Variants in ARID1B observed in about 807,000 individuals in gnomAD.
The protein encoded by ARID1B is AT-rich interactive domain-containing protein 1B.
ARID1B carries 30 observed loss-of-function variants against 212.3 expected under a neutral mutation model. The observed-to-expected ratio is 0.14, with a 90% confidence interval of 0.11 to 0.19. The LOEUF is 0.19. Ranked by LOEUF, ARID1B falls within the 10% of genes least tolerant of loss-of-function variation. The pLI, the probability that ARID1B is intolerant of heterozygous loss-of-function variation, is 1.00. For synonymous variants in ARID1B, 1,402 were observed against 1,301.7 expected, an observed-to-expected ratio of 1.08 and a Z score of -1.66; for missense variants, 2,891 against 3,204.0, an observed-to-expected ratio of 0.90 and a Z score of 2.36.
chr6:156,943,042 G>C (rs1792794764), intron 4 of ARID1B: 1 of 152,118 alleles, frequency 6.6e-6, no homozygotes, highest in Non-Finnish European at 1.5e-5. Context: ...GTCAGTTTAG[G>C]AGAGGAAATA....
At chr6:156,892,043 CT>C (rs1047406340) in intron 2 of ARID1B, among the ~76,000 whole-genome samples, 18,289 of 114,992 alleles carry the variant, frequency 0.16, 1,196 homozygotes, top group Non-Finnish European at 0.21. Context: ...AGCGAATTTT[CT>C]TTTTTTTTTT....
Position 157,200,312 on chromosome 6 carries a change from C to T in ARID1B, c.4480-393C>T. On this transcript the variant is annotated intron_variant, in intron 17 of 19. Coordinates refer to ENST00000636930, the MANE Select transcript of ARID1B (RefSeq NM_001374828.1). The surrounding 1 kb of genome is among the most constrained non-coding windows in gnomAD (Gnocchi z 4.3). ...CCTTTTACCCCAAGACCCTTTCAGG[C>T]CGGCCCCTGGATGCTGGCTTTCCTG... Among the ~76,000 whole-genome samples, 1 of 152,154 alleles carries T rather than the reference C, an allele frequency of 6.6e-6. No individual in the cohort carries two copies. The highest frequency in any genetic ancestry group is 1.9e-4 in the East Asian group (1 of 5,180).
chr6:157,037,071 T>C (rs565985859), intron 4 of ARID1B, among the ~76,000 whole-genome samples: 3 of 152,366 alleles, frequency 2.0e-5, no homozygotes, highest in African/African-American at 7.2e-5. Flanking sequence ...ACCTTCTTTG[T>C]TGTGTAGAAA....
intron 4 of ARID1B, among the ~76,000 whole-genome samples, chr6:157,059,249 G>C (rs1783183390): frequency 6.6e-6 from 1 of 152,130 alleles, no homozygotes; most frequent in Admixed American, 6.5e-5. Flanking sequence ...ATTATCATGT[G>C]TAACAGTTTG....
Position 156,779,191 on chromosome 6 carries a change from A to T in ARID1B, c.1511A>T (p.Gln504Leu). 2 of 1,327,826 alleles carry T rather than the reference A, an allele frequency of 1.5e-6. No individual in the cohort carries two copies. The highest frequency in any genetic ancestry group is 1.9e-6 in the Non-Finnish European group (2 of 1,028,988). 82.3% of individuals were successfully genotyped at this position (1,327,826 alleles called of 1,614,324 possible). A position where few individuals can be genotyped will look rare whatever the true frequency, so the allele number is the denominator to read the frequency against. The change falls in exon 1 of 20, where the codon CAG becomes CTG. Residue 504 changes from glutamine (Q) to leucine (L), a missense_variant. By Grantham distance (113) the Gln-to-Leu change is moderately radical. Transcript: ENST00000636930. ...TCGGGGGCCACCCCGACCCTCAATC[A>T]GCTGCTCACCTCGCCCAGCCCCATG... ...HPSGATPTLN[Q>L]LLTSPSPMMR...
chr6:156,990,564 G>A (rs557963063), intron 4 of ARID1B, among the ~76,000 whole-genome samples: 29 of 152,184 alleles, frequency 1.9e-4, no homozygotes, highest in Admixed American at 1.1e-3. Context: ...TCACTTGACC[G>A]AGGGAGTTGG....
intron 2 of ARID1B, among the ~76,000 whole-genome samples, chr6:156,897,236 T>G (rs1447753299): frequency 2.1e-5 from 2 of 96,334 alleles, no homozygotes; most frequent in East Asian, 5.6e-4. Context: ...TTCTTCTTCT[T>G]CTTCTTCTTC....
intron 2 of ARID1B, among the ~76,000 whole-genome samples, chr6:156,880,289 G>A (rs564704894): frequency 2.0e-5 from 3 of 152,158 alleles, no homozygotes; most frequent in South Asian, 2.1e-4. Context: ...GAAAAATAGC[G>A]AGAATGTTTC....
At chr6:157,153,922 G>T (rs544517658) in intron 8 of ARID1B, among the ~76,000 whole-genome samples, 1 of 152,168 alleles carries the variant, frequency 6.6e-6, no homozygotes. Flanking sequence ...TTACAGGCGT[G>T]AGCCACCACT....
chr6:157,164,596 T>C (rs1228240667), intron 8 of ARID1B: 1 of 152,256 alleles, frequency 6.6e-6, no homozygotes, highest in Non-Finnish European at 1.5e-5. Flanking sequence ...AAAAATGTTC[T>C]GTAGTAATTC....
chr6:157,006,195 T>C (rs765180197), intron 4 of ARID1B, among the ~76,000 whole-genome samples: 2 of 152,220 alleles, frequency 1.3e-5, no homozygotes, highest in African/African-American at 4.8e-5. Flanking sequence ...TGGAACCATC[T>C]CTGAGCTCTG....
intron 4 of ARID1B, among the ~76,000 whole-genome samples, chr6:156,973,083 G>A (rs552334963): frequency 2.0e-5 from 3 of 152,270 alleles, no homozygotes; most frequent in African/African-American, 7.2e-5. Context: ...CATCATATAA[G>A]CAAAAGCCTA....
chr6:157,146,107 C>T (rs1382194570), intron 7 of ARID1B, among the ~76,000 whole-genome samples: 1 of 152,078 alleles, frequency 6.6e-6, no homozygotes, highest in African/African-American at 2.4e-5. Context: ...ACACAGCGCC[C>T]CAGTGGCTGT....
chr6:157,042,844 A>G (rs1262427254), intron 4 of ARID1B, among the ~76,000 whole-genome samples: 1 of 152,066 alleles, frequency 6.6e-6, no homozygotes, highest in Non-Finnish European at 1.5e-5. Flanking sequence ...TATTTTTAGT[A>G]GAGATGGGTT....
chr6:157,082,767 T>C (rs1433456324), intron 4 of ARID1B, among the ~76,000 whole-genome samples: 5 of 152,220 alleles, frequency 3.3e-5, no homozygotes, highest in African/African-American at 7.2e-5. Flanking sequence ...TGCAGTCTGC[T>C]CTGTTGCTGT....
intron 4 of ARID1B, chr6:157,022,820 TTGA>T (rs1249358272): frequency 2.0e-5 from 3 of 152,220 alleles, no homozygotes; most frequent in Non-Finnish European, 2.9e-5. Context: ...GCAAATTTAA[TTGA>T]TGATCCATTA....
At chr6:156,900,493 T>C (rs1208205058) in intron 2 of ARID1B, among the ~76,000 whole-genome samples, 2 of 152,230 alleles carry the variant, frequency 1.3e-5, no homozygotes, top group African/African-American at 2.4e-5. Flanking sequence ...AGTTCTCCAG[T>C]GGACCATATT....
At chr6:156,842,350 A>C (rs540890744) in intron 2 of ARID1B, among the ~76,000 whole-genome samples, 24 of 152,294 alleles carry the variant, frequency 1.6e-4, no homozygotes, top group African/African-American at 5.8e-4. Context: ...GCTTCATGTA[A>C]ATAGAATGAT....
At chr6:156,849,123 A>T (rs543725562) in intron 2 of ARID1B, among the ~76,000 whole-genome samples, 1 of 152,142 alleles carries the variant, frequency 6.6e-6, no homozygotes, top group African/African-American at 2.4e-5. Context: ...GTCCAGTGGC[A>T]TTTTTCCTAA....
Sources: gnomAD v4.1 joint callset for allele counts (sites outside exome capture counted in the v4.1 genomes callset) on GRCh38, gnomAD v4.1.1 for gene constraint, Gnocchi (gnomAD v3.1) non-coding constraint, MANE v1.5 for transcripts, NCBI Gene and HGNC (gene_info 2026-07-23, HGNC 2026-07-21) for gene names.